Variants in UIMC1 observed in about 807,000 individuals in gnomAD.
The protein encoded by UIMC1 is ubiquitin interaction motif containing 1.
In UIMC1, 42 loss-of-function variants were observed where a neutral mutation model predicts 84.9. The observed-to-expected ratio is 0.49, with a 90% CI of 0.39 to 0.64. UIMC1 has a LOEUF of 0.64. UIMC1 is among the 30% of genes least tolerant of loss of function. The probability of loss-of-function intolerance (pLI) is 0.00; values close to 1 mark genes in which losing one functional copy is unlikely to be tolerated. For synonymous variants in UIMC1, 281 were observed against 293.0 expected, an observed-to-expected ratio of 0.96 and a Z score of 0.42; for missense variants, 825 against 847.6, an observed-to-expected ratio of 0.97 and a Z score of 0.33.
At chr5:177,015,048 C>T (rs1775643104) in intron 1 of UIMC1, among the ~76,000 whole-genome samples, 2 of 152,192 alleles carry the variant, frequency 1.3e-5, no homozygotes, top group African/African-American at 4.8e-5. Flanking sequence ...GCCTGACAAA[C>T]ATGGTGAAAC....
At chr5:177,020,119 T>C (rs144073761) in intron 1 of UIMC1, among the ~76,000 whole-genome samples, 6 of 152,328 alleles carry the variant, frequency 3.9e-5, no homozygotes, top group Middle Eastern at 3.4e-3. Context: ...GAATAATTCA[T>C]ATCTGTCTCT....
In UIMC1 at chr5:177,012,271, T is replaced by C. The variant is rs546354279; in HGVS notation, c.-9+10193A>G. ...TATGATCTTCCCCTCAAAATCTGTA[T>C]ATTTAACACATTATTTGTCTCTCTT... On this transcript the variant is annotated intron_variant, in intron 1 of 5. Coordinates refer to the UIMC1 transcript ENST00000509236. Among the ~76,000 whole-genome samples the C allele has an allele frequency of 1.6e-4, 25 of 152,334 alleles. No individual in the cohort carries two copies. In the South Asian group the frequency reaches 5.0e-3, roughly 30 times the overall value.
At chr5:176,972,603 G>A (rs1431733102) in intron 3 of UIMC1, among the ~76,000 whole-genome samples, 2 of 151,934 alleles carry the variant, frequency 1.3e-5, no homozygotes, top group African/African-American at 4.8e-5. Context: ...GGGCGTGGTG[G>A]CAGGCGCCTG....
chr5:176,908,376 AT>A (rs1162050441), intron 12 of UIMC1, 146 bp downstream of exon 12: 1 of 802,552 alleles, frequency 1.2e-6, no homozygotes, highest in African/African-American at 1.8e-5. Context: ...AAAAGGAAAA[AT>A]AATTTTAAAA....
At chr5:177,022,588 C>T in exon 1 of UIMC1, 1 of 815,056 alleles carries the variant, frequency 1.2e-6, no homozygotes, top group Non-Finnish European at 1.8e-6. Context: ...CCAGAGGTAG[C>T]AAAGCAAAAT....
At chr5:176,934,281 G>A (rs564785630) in intron 10 of UIMC1, among the ~76,000 whole-genome samples, 3 of 152,256 alleles carry the variant, frequency 2.0e-5, no homozygotes, top group Admixed American at 6.5e-5. Flanking sequence ...TTAGAGGTAT[G>A]AACAAACACT....
intron 3 of UIMC1, among the ~76,000 whole-genome samples, chr5:176,972,175 C>T (rs1313388156): frequency 2.6e-5 from 4 of 151,428 alleles, no homozygotes; most frequent in Non-Finnish European, 4.4e-5. Flanking sequence ...CCAAGGTAGG[C>T]GGATCATGAG....
chr5:176,908,783 C>G (rs188389806), intron 11 of UIMC1, 89 bp from the exon 12 acceptor site: 4 of 1,409,528 alleles, frequency 2.8e-6, no homozygotes, highest in Non-Finnish European at 3.9e-6. Context: ...TGTGTTTTTA[C>G]GTCGCAAAGT....
In UIMC1 at chr5:176,908,697, A is replaced by T. The variant is rs1463248278; in HGVS notation, c.1677-3T>A. On this transcript the variant is annotated splice_polypyrimidine_tract_variant and splice_region_variant and intron_variant, in intron 11 of 14. Coordinates refer to ENST00000511320, the MANE Select transcript of UIMC1 (RefSeq NM_001199298.2). ...TACAGAGGTAACACTTCTCATTCCTATCCAATAAGAAAAAAGGAAGAAAAC... is the reference window on the plus strand; with the variant it reads ...TACAGAGGTAACACTTCTCATTCCTTTCCAATAAGAAAAAAGGAAGAAAAC... The T allele has an allele frequency of 6.2e-7, 1 of 1,608,466 alleles. No individual in the cohort carries two copies. Among genetic ancestry groups the T allele is most frequent in the Admixed American group, 1.7e-5 (1 of 59,242 alleles).
At chr5:176,935,560 A>G (rs1295913123) in intron 10 of UIMC1, among the ~76,000 whole-genome samples, 1 of 152,160 alleles carries the variant, frequency 6.6e-6, no homozygotes. Flanking sequence ...AGGCTATTTC[A>G]CAATTGTCAA....
intron 2 of UIMC1, among the ~76,000 whole-genome samples, chr5:176,978,481 T>C (rs1301380496): frequency 1.3e-5 from 2 of 152,120 alleles, no homozygotes. Flanking sequence ...TAAATTGTGG[T>C]AGGACATAGA....
At chr5:176,931,331 T>C (rs1426480065) in intron 10 of UIMC1, among the ~76,000 whole-genome samples, 1 of 152,228 alleles carries the variant, frequency 6.6e-6, no homozygotes, top group African/African-American at 2.4e-5. Context: ...AAATGGTTTT[T>C]GCTGTTAATA....
At chr5:176,954,106 A>C (rs1766265244) in intron 8 of UIMC1, among the ~76,000 whole-genome samples, 1 of 152,218 alleles carries the variant, frequency 6.6e-6, no homozygotes, top group Admixed American at 6.5e-5. Context: ...GGCTAATGAC[A>C]GCAAGTCATG....
chr5:177,019,416 G>A (rs1204199020), intron 1 of UIMC1, among the ~76,000 whole-genome samples: 1 of 151,760 alleles, frequency 6.6e-6, no homozygotes. Flanking sequence ...CAGGAGGATC[G>A]CTTGAGCTCA....
At chr5:177,001,234 C>T (rs1774401094) in intron 1 of UIMC1, among the ~76,000 whole-genome samples, 1 of 152,108 alleles carries the variant, frequency 6.6e-6, no homozygotes, top group Non-Finnish European at 1.5e-5. Context: ...TATAGATATC[C>T]AGTTTTCTAA....
At chr5:176,992,184 CA>C (rs1166387129) in intron 1 of UIMC1, among the ~76,000 whole-genome samples, 1 of 152,054 alleles carries the variant, frequency 6.6e-6, no homozygotes, top group Admixed American at 6.6e-5. Context: ...CCTGTCAATC[CA>C]AAAGCCCTTA....
intron 12 of UIMC1, 46 bp from the exon 13 acceptor site, chr5:176,907,223 C>A: frequency 6.4e-7 from 1 of 1,563,638 alleles, no homozygotes; most frequent in South Asian, 1.1e-5. Context: ...ATGTCAGAGT[C>A]TAAAATACAA....
intron 1 of UIMC1, among the ~76,000 whole-genome samples, chr5:176,998,904 C>T (rs1313101175): frequency 6.6e-6 from 1 of 151,824 alleles, no homozygotes; most frequent in Non-Finnish European, 1.5e-5. Flanking sequence ...AAAAATAATG[C>T]TCAGGCTGGG....
At chr5:176,953,039 A>G (rs1249093420) in intron 8 of UIMC1, among the ~76,000 whole-genome samples, 2 of 152,108 alleles carry the variant, frequency 1.3e-5, no homozygotes, top group Non-Finnish European at 2.9e-5. Context: ...CCTTCCCTCA[A>G]AAGAATGGGA....
Sources: allele counts gnomAD v4.1 joint callset (sites outside exome capture counted in the v4.1 genomes callset), GRCh38; gene constraint gnomAD v4.1.1; transcripts MANE v1.5; gene names NCBI Gene and HGNC (gene_info 2026-07-23, HGNC 2026-07-21).